The following TRPC3 variants were observed in gnomAD, a reference collection of about 807,000 sequenced individuals.
The protein encoded by TRPC3 is short transient receptor potential channel 3.
In TRPC3, 54 loss-of-function variants were observed where a neutral mutation model predicts 90.9. The observed-to-expected ratio is 0.59, with a 90% CI of 0.48 to 0.75. TRPC3 has a LOEUF of 0.75. Ranked by LOEUF, TRPC3 falls within the 30% of genes least tolerant of loss-of-function variation. TRPC3 has a pLI of 0.00. For synonymous variants in TRPC3, 424 were observed against 450.9 expected (o/e 0.94, Z 0.75); for missense variants, 918 against 1,194.5 (o/e 0.77, Z 3.41).
chr4:121,904,306 T>C lies in TRPC3; in HGVS notation c.2253+16A>G, dbSNP rs950049491. The C allele has an allele frequency of 6.3e-7, 1 of 1,593,932 alleles. No homozygotes were observed. On this transcript the variant is annotated intron_variant, in intron 8 of 11. Transcript: ENST00000379645. Reference sequence around the variant, plus strand: ...GGATGACAAGGATAGATACTATGGATAGAAAACCGATTTACCTCAATTTCT... The same window carrying C: ...GGATGACAAGGATAGATACTATGGACAGAAAACCGATTTACCTCAATTTCT...
chr4:121,883,083 C>T (rs1168701631), intron 10 of TRPC3, among the ~76,000 whole-genome samples: 3 of 151,890 alleles, frequency 2.0e-5, no homozygotes, highest in Non-Finnish European at 2.9e-5. Flanking sequence ...TAACTGTTTA[C>T]CCATATGGAA....
Position 121,951,796 on chromosome 4 carries a change from G to T in TRPC3, c.-116C>A. 1 of 778,956 alleles carries T rather than the reference G, an allele frequency of 1.3e-6. No individual in the cohort carries two copies. The highest frequency in any genetic ancestry group is 1.8e-6 in the Non-Finnish European group (1 of 559,832). 48.3% of individuals were successfully genotyped at this position (778,956 alleles called of 1,614,324 possible). ...ACCTCCCGCGGCTTCCGGGGCCCCG[G>T]GCGGCCCAGGGCGGGAAGGCAGGAG... is the stretch of plus-strand genomic sequence containing the variant. On this transcript the variant is annotated 5_prime_UTR_variant, in exon 1 of 12. Coordinates refer to ENST00000379645, the MANE Select transcript of TRPC3 (RefSeq NM_001130698.2). The surrounding 1 kb of genome is among the most constrained non-coding windows in gnomAD (Gnocchi z 4.4).
intron 1 of TRPC3, among the ~76,000 whole-genome samples, chr4:121,940,884 C>T (rs1730286650): frequency 6.6e-6 from 1 of 152,150 alleles, no homozygotes; most frequent in African/African-American, 2.4e-5. Context: ...TTATTCTTGA[C>T]ATATTATCTC....
At chr4:121,942,026 T>C (rs1730335869) in intron 1 of TRPC3, among the ~76,000 whole-genome samples, 1 of 152,072 alleles carries the variant, frequency 6.6e-6, no homozygotes, top group African/African-American at 2.4e-5. Context: ...CAATAATACA[T>C]TGTCACAGTA....
At chr4:121,944,755 C>T (rs1210276296) in intron 1 of TRPC3, among the ~76,000 whole-genome samples, 1 of 152,140 alleles carries the variant, frequency 6.6e-6, no homozygotes, top group African/African-American at 2.4e-5. Flanking sequence ...GTTGATTTGC[C>T]ATCAGCAGCC....
intron 2 of TRPC3, among the ~76,000 whole-genome samples, chr4:121,927,768 A>G (rs1729770631): frequency 6.6e-6 from 1 of 152,224 alleles, no homozygotes; most frequent in African/African-American, 2.4e-5. Flanking sequence ...GTAAGGGAAC[A>G]GATAAAATGA....
At chr4:121,919,616 A>ACT (rs1215740009) in intron 3 of TRPC3, among the ~76,000 whole-genome samples, 1 of 151,404 alleles carries the variant, frequency 6.6e-6, no homozygotes, top group Non-Finnish European at 1.5e-5. Flanking sequence ...TGTATTTACC[A>ACT]CTCTCTCATT....
intron 1 of TRPC3, among the ~76,000 whole-genome samples, chr4:121,936,642 T>A (rs370455289): frequency 6.6e-6 from 1 of 152,166 alleles, no homozygotes; most frequent in East Asian, 1.9e-4. Context: ...TTTGAAATCA[T>A]AGGATCATAA....
At chr4:121,887,999 A>AT (rs35430221) in intron 10 of TRPC3, among the ~76,000 whole-genome samples, 57,682 of 148,530 alleles carry the variant, frequency 0.39, 11,112 homozygotes, top group East Asian at 0.65. Context: ...CATTTTTGGT[A>AT]TTTTTTTTTT....
At chr4:121,886,746 G>A (rs1728133767) in intron 10 of TRPC3, among the ~76,000 whole-genome samples, 1 of 151,738 alleles carries the variant, frequency 6.6e-6, no homozygotes, top group African/African-American at 2.4e-5. Context: ...CAAACCTATT[G>A]ATTGACTTTA....
At chr4:121,910,761 A>G (rs951620321) in intron 5 of TRPC3, among the ~76,000 whole-genome samples, 2 of 152,236 alleles carry the variant, frequency 1.3e-5, no homozygotes, top group African/African-American at 2.4e-5. Context: ...AATATGTTCT[A>G]TACAATCACA....
At chr4:121,916,169 C>G (rs1729311201) in intron 3 of TRPC3, among the ~76,000 whole-genome samples, 1 of 152,116 alleles carries the variant, frequency 6.6e-6, no homozygotes, top group South Asian at 2.1e-4. Flanking sequence ...ATATTTGGCT[C>G]TTTATCAAAG....
intron 3 of TRPC3, among the ~76,000 whole-genome samples, chr4:121,921,908 G>GT (rs1729526934): frequency 7.0e-6 from 1 of 142,160 alleles, no homozygotes; most frequent in African/African-American, 2.6e-5. Context: ...TTGTTTTTTG[G>GT]GTTTTTTTTT....
rs1251356069 is a variant in TRPC3, at chr4:121,907,212, TTA to T, written c.2057+89_2057+90del. 64 of 1,230,832 alleles carry T rather than the reference TTA, an allele frequency of 5.2e-5. No homozygotes were observed. In the African/African-American group the frequency reaches 7.7e-4, roughly 15 times the overall value. 76.2% of individuals were successfully genotyped at this position (1,230,832 alleles called of 1,614,324 possible). A position where few individuals can be genotyped will look rare whatever the true frequency, so the allele number is the denominator to read the frequency against. ...TTATTTTCTGTGCTTAAAAACATCTTTATTACAATCAGAGAAATTTTTCCTTT... is the reference window on the plus strand; with the variant it reads ...TTATTTTCTGTGCTTAAAAACATCTTTTACAATCAGAGAAATTTTTCCTTT... On this transcript the variant is annotated intron_variant, in intron 7 of 11. Transcript: ENST00000379645.
Position 121,910,268 on chromosome 4 carries a change from T to C in TRPC3, c.1678A>G (p.Arg560Gly). 1 of 1,613,864 alleles carries C rather than the reference T, an allele frequency of 6.2e-7. No individual in the cohort carries two copies. Among genetic ancestry groups the C allele is most frequent in the Non-Finnish European group, 8.5e-7 (1 of 1,179,822 alleles). Residue 560 changes from arginine (R) to glycine (G), a missense_variant, in exon 6 of 12, where the codon AGA becomes GGA. Coordinates refer to ENST00000379645, the MANE Select transcript of TRPC3 (RefSeq NM_001130698.2). ...GTTGCCTGAAGGAAAGCTAGGAATC[T>C]GGCTGTGAAAGCAGCAATGAAGATG... ...LSIFIAAFTA[R>G]FLAFLQATKA... is the part of the protein sequence containing the mutation.
chr4:121,928,362 A>G (rs1729787673), intron 2 of TRPC3, among the ~76,000 whole-genome samples: 1 of 152,216 alleles, frequency 6.6e-6, no homozygotes, highest in Non-Finnish European at 1.5e-5. Context: ...AGCTGGAGAT[A>G]ATGGTGATTT....
chr4:121,931,128 T>A (rs1729903867), intron 2 of TRPC3, among the ~76,000 whole-genome samples: 2 of 152,198 alleles, frequency 1.3e-5, no homozygotes, highest in South Asian at 4.1e-4. Context: ...TTTCCCACCA[T>A]TTTCTTGCAA....
At chr4:121,929,775 T>C (rs1381542431) in intron 2 of TRPC3, among the ~76,000 whole-genome samples, 2 of 151,656 alleles carry the variant, frequency 1.3e-5, no homozygotes, top group African/African-American at 2.4e-5. Flanking sequence ...ATTTCGGGGG[T>C]GAGATACTAG....
intron 5 of TRPC3, among the ~76,000 whole-genome samples, chr4:121,910,661 G>A (rs1274400158): frequency 6.6e-6 from 1 of 152,138 alleles, no homozygotes; most frequent in Admixed American, 6.6e-5. Context: ...CATGAGAGGA[G>A]GTGGTGGAGG....
Sources: gnomAD v4.1 joint callset for allele counts (sites outside exome capture counted in the v4.1 genomes callset) on GRCh38, gnomAD v4.1.1 for gene constraint, Gnocchi (gnomAD v3.1) non-coding constraint, MANE v1.5 for transcripts, NCBI Gene and HGNC (gene_info 2026-07-23, HGNC 2026-07-21) for gene names.